The following TDRP variants were observed in gnomAD, a reference collection of about 807,000 sequenced individuals.
TDRP encodes testis development-related protein.
TDRP carries 12 observed loss-of-function variants against 10.5 expected under a neutral mutation model. The ratio of observed to expected loss-of-function variants is 1.15; its 90% CI spans 0.73 to 1.86. The LOEUF (loss-of-function observed/expected upper bound fraction) is 1.86. Ranked by LOEUF, TDRP falls within the 40% of genes most tolerant of loss-of-function variation. The pLI, the probability that TDRP is intolerant of heterozygous loss-of-function variation, is 0.00. For synonymous variants in TDRP, 139 were observed against 95.4 expected, an observed-to-expected ratio of 1.46 and a Z score of -2.67; for missense variants, 353 against 229.2, an observed-to-expected ratio of 1.54 and a Z score of -3.49.
chr8:501,952 G>C (rs983103537), intron 1 of TDRP, among the ~76,000 whole-genome samples: 1 of 152,204 alleles, frequency 6.6e-6, no homozygotes, highest in Non-Finnish European at 1.5e-5. Flanking sequence ...CTGGACAAAG[G>C]CTTAGCGCTG....
chr8:519,258 T>C (rs181460081), intron 1 of TDRP, among the ~76,000 whole-genome samples: 1 of 152,158 alleles, frequency 6.6e-6, no homozygotes, highest in Non-Finnish European at 1.5e-5. Flanking sequence ...GCCCTCCCCA[T>C]GCCTTCCCCT....
At chr8:538,073 T>C (rs577616250) in intron 1 of TDRP, among the ~76,000 whole-genome samples, 1 of 152,368 alleles carries the variant, frequency 6.6e-6, no homozygotes, top group South Asian at 2.1e-4. Flanking sequence ...TTCTGCGGCA[T>C]TGTTAAAACA....
chr8:522,160 T>C (rs967706409), intron 1 of TDRP, among the ~76,000 whole-genome samples: 9 of 152,222 alleles, frequency 5.9e-5, no homozygotes, highest in Admixed American at 4.6e-4. Context: ...AGTCCCCTAT[T>C]TACATTGTGC....
chr8:532,020 T>C (rs1056556504), intron 1 of TDRP, among the ~76,000 whole-genome samples: 20 of 152,136 alleles, frequency 1.3e-4, no homozygotes, highest in African/African-American at 4.3e-4. Context: ...ACAAAAGACA[T>C]GGTTTATATT....
At chr8:528,559 G>C (rs1175303989) in intron 1 of TDRP, among the ~76,000 whole-genome samples, 1 of 140,196 alleles carries the variant, frequency 7.1e-6, no homozygotes, top group Non-Finnish European at 1.6e-5. Flanking sequence ...ATAAGATCTG[G>C]TACTTGACAG....
At chr8:523,279 C>T (rs1312616836) in intron 1 of TDRP, among the ~76,000 whole-genome samples, 1 of 152,160 alleles carries the variant, frequency 6.6e-6, no homozygotes, top group Non-Finnish European at 1.5e-5. Flanking sequence ...AAATGTATTA[C>T]TTTATGTCTC....
At chr8:499,187 C>G (rs931165102) in intron 1 of TDRP, among the ~76,000 whole-genome samples, 1 of 151,756 alleles carries the variant, frequency 6.6e-6, no homozygotes, top group African/African-American at 2.4e-5. Context: ...AATAAGATGC[C>G]AAAAAAATAG....
chr8:518,345 C>CAA (rs1801811547), intron 1 of TDRP, among the ~76,000 whole-genome samples: 1 of 152,094 alleles, frequency 6.6e-6, no homozygotes, highest in African/African-American at 2.4e-5. Context: ...ATAACACACA[C>CAA]AACAAAGCCA....
rs1337782742 is a variant in TDRP, at chr8:492,838, A to G, written c.213-94T>C. On this transcript the variant is annotated intron_variant, in intron 2 of 2. Coordinates refer to ENST00000324079, the MANE Select transcript of TDRP (RefSeq NM_001384899.1). ...AAACATAAAATTCTTTAAAATTTTA[A>G]AAAATTGTTTAGAAAACTAACACAA... 8.6e-6 allele frequency: 9 copies of G among 1,046,268 alleles called. No homozygotes were observed. The Admixed American group carries it at 2.1e-4, about 25-fold the overall frequency. 64.8% of individuals were successfully genotyped at this position (1,046,268 alleles called of 1,614,324 possible).
chr8:495,829 A>C (rs371955189), intron 1 of TDRP, among the ~76,000 whole-genome samples: 46 of 152,336 alleles, frequency 3.0e-4, no homozygotes, highest in African/African-American at 1.0e-3. Flanking sequence ...GGGGGTCTCC[A>C]GGGTGTAACA....
chr8:497,219 G>T (rs985359428), intron 1 of TDRP, among the ~76,000 whole-genome samples: 1 of 152,240 alleles, frequency 6.6e-6, no homozygotes, highest in African/African-American at 2.4e-5. Flanking sequence ...GAACTTCCTA[G>T]AGACTTGTTG....
At position 491,824 on chromosome 8, in the gene TDRP, C is replaced by T; in HGVS notation, c.*575G>A. 8.0e-7 allele frequency: 1 copy of T among 1,242,642 alleles called. No individual in the cohort carries two copies. The allele number at this position is 1,242,642 out of a possible 1,614,324, so 77.0% of individuals were successfully genotyped here. A position where few individuals can be genotyped will look rare whatever the true frequency, so the allele number is the denominator to read the frequency against. ...CCTCCCTCAGCAAAAGATGAACATGCATTTTAAGATACATTTTACTCCCAA... is the reference window on the plus strand; with the variant it reads ...CCTCCCTCAGCAAAAGATGAACATGTATTTTAAGATACATTTTACTCCCAA... On this transcript the variant is annotated 3_prime_UTR_variant, in exon 3 of 3. Coordinates refer to ENST00000324079, the MANE Select transcript of TDRP (RefSeq NM_001384899.1).
chr8:503,586 C>T (rs548326248), intron 1 of TDRP, among the ~76,000 whole-genome samples: 1 of 146,758 alleles, frequency 6.8e-6, no homozygotes, highest in South Asian at 2.1e-4. Flanking sequence ...CAAAGCCACA[C>T]ATCAGAACCT....
chr8:531,460 G>C (rs1286973952), intron 1 of TDRP, among the ~76,000 whole-genome samples: 3 of 152,120 alleles, frequency 2.0e-5, no homozygotes, highest in African/African-American at 7.2e-5. Context: ...TTAATCCATA[G>C]GATCTGTGCT....
chr8:523,558 G>C (rs967000498), intron 1 of TDRP, among the ~76,000 whole-genome samples: 10 of 152,194 alleles, frequency 6.6e-5, no homozygotes, highest in Non-Finnish European at 1.3e-4. Context: ...CTGGGCCAAA[G>C]GGGAACCCAC....
intron 1 of TDRP, among the ~76,000 whole-genome samples, chr8:508,671 G>A (rs1284054628): frequency 2.6e-5 from 4 of 152,012 alleles, no homozygotes; most frequent in Non-Finnish European, 5.9e-5. Context: ...AGATTTGGGT[G>A]GGGACACACA....
At chr8:512,773 G>A (rs1428009156) in intron 1 of TDRP, among the ~76,000 whole-genome samples, 1 of 152,062 alleles carries the variant, frequency 6.6e-6, no homozygotes, top group African/African-American at 2.4e-5. Context: ...CCATGAATTT[G>A]AGAACAGCCT....
chr8:534,560 T>C (rs1041301393), intron 1 of TDRP, among the ~76,000 whole-genome samples: 3 of 152,144 alleles, frequency 2.0e-5, no homozygotes, highest in African/African-American at 7.2e-5. Context: ...CACTAGCCAG[T>C]GCTTTAGCAC....
chr8:533,572 G>A lies in TDRP; in HGVS notation c.108+11078C>T, dbSNP rs560151789. Among the ~76,000 whole-genome samples, 10 of 152,158 alleles carry A rather than the reference G, an allele frequency of 6.6e-5. No homozygotes were observed. The South Asian group carries it at 1.2e-3, about 19-fold the overall frequency. On this transcript the variant is annotated intron_variant, in intron 1 of 2. Transcript: ENST00000324079. ...TGACTAGAACCCCAGACGTTTCATC[G>A]GCATCTTGCCCCCAACCCCTCCTCC...
Sources: gnomAD v4.1 joint callset for allele counts (sites outside exome capture counted in the v4.1 genomes callset) on GRCh38, gnomAD v4.1.1 for gene constraint, MANE v1.5 for transcripts, NCBI Gene and HGNC (gene_info 2026-07-23, HGNC 2026-07-21) for gene names.